ARHGAP19: variants seen among roughly 807,000 people sequenced by gnomAD.
ARHGAP19 encodes Rho GTPase activating protein 19.
Under a neutral mutation model 60.9 loss-of-function variants are expected in ARHGAP19, and 48 were observed. That is an observed-to-expected ratio of 0.79 (90% confidence interval 0.62 to 1.00). The LOEUF is 1.00. ARHGAP19 is among the 50% of genes least tolerant of loss of function. ARHGAP19 has a pLI of 0.00. For synonymous variants in ARHGAP19, 209 were observed against 215.5 expected, an observed-to-expected ratio of 0.97 and a Z score of 0.27; for missense variants, 562 against 597.2, an observed-to-expected ratio of 0.94 and a Z score of 0.61.
At chr10:97,242,300 T>C (rs1294505692) in intron 8 of ARHGAP19, among the ~76,000 whole-genome samples, 4 of 149,756 alleles carry the variant, frequency 2.7e-5, no homozygotes, top group Non-Finnish European at 1.5e-5. Flanking sequence ...GTTTTTTTCT[T>C]TTTTATCTTT....
intron 2 of ARHGAP19, 56 bp from the exon 3 acceptor site, chr10:97,264,962 T>C: frequency 7.4e-7 from 1 of 1,357,454 alleles, no homozygotes; most frequent in Non-Finnish European, 1.1e-6. Context: ...TACAAAATCA[T>C]CATACCTAAA....
intron 1 of ARHGAP19, among the ~76,000 whole-genome samples, chr10:97,291,529 G>C (rs1843232487): frequency 6.6e-6 from 1 of 152,106 alleles, no homozygotes; most frequent in Non-Finnish European, 1.5e-5. Flanking sequence ...CCTGATCTCA[G>C]GTGATCCGCT....
intron 8 of ARHGAP19, among the ~76,000 whole-genome samples, chr10:97,236,413 G>T (rs1055876573): frequency 6.6e-6 from 1 of 152,006 alleles, no homozygotes; most frequent in Non-Finnish European, 1.5e-5. Flanking sequence ...AATTGTCTCG[G>T]CAGGCAGAAA....
intron 1 of ARHGAP19, among the ~76,000 whole-genome samples, chr10:97,290,240 C>T (rs1456222264): frequency 6.6e-6 from 1 of 152,146 alleles, no homozygotes; most frequent in Admixed American, 6.5e-5. Context: ...TGCTGTTTGC[C>T]GCTGTCGCAG....
intron 11 of ARHGAP19, among the ~76,000 whole-genome samples, chr10:97,227,628 T>C (rs1305183454): frequency 6.6e-6 from 1 of 152,200 alleles, no homozygotes; most frequent in Non-Finnish European, 1.5e-5. Flanking sequence ...GAGAGTAAAG[T>C]GAAAATGCCA....
At chr10:97,268,832 CT>C (rs1842929741) in intron 1 of ARHGAP19, among the ~76,000 whole-genome samples, 2 of 152,268 alleles carry the variant, frequency 1.3e-5, no homozygotes, top group Non-Finnish European at 1.5e-5. Flanking sequence ...ATATCAACCC[CT>C]TTTTACTTCT....
At chr10:97,251,725 G>A (rs1272529619) in intron 6 of ARHGAP19, among the ~76,000 whole-genome samples, 1 of 786 alleles carries the variant, frequency 1.3e-3, no homozygotes, top group Admixed American at 0.014. Context: ...GGAAGGGAAG[G>A]GGAAGGAAAG....
At chr10:97,272,700 CTT>C (rs1441444369) in intron 1 of ARHGAP19, among the ~76,000 whole-genome samples, 4 of 152,040 alleles carry the variant, frequency 2.6e-5, no homozygotes, top group African/African-American at 9.7e-5. Context: ...ATAATATCCT[CTT>C]ATCTTTTTTA....
intron 6 of ARHGAP19, among the ~76,000 whole-genome samples, chr10:97,254,517 A>G (rs1199971867): frequency 3.3e-5 from 5 of 152,234 alleles, no homozygotes; most frequent in African/African-American, 1.2e-4. Flanking sequence ...ACCTAACACC[A>G]GAAACAAAAC....
intron 4 of ARHGAP19, 89 bp downstream of exon 4, chr10:97,263,331 C>A (rs1842855273): frequency 7.6e-7 from 1 of 1,322,190 alleles, no homozygotes; most frequent in African/African-American, 1.5e-5. Flanking sequence ...AGAAGTATTT[C>A]TGTGGGTCAC....
At chr10:97,239,501 C>CA (rs71007326) in intron 8 of ARHGAP19, among the ~76,000 whole-genome samples, 6 of 138,224 alleles carry the variant, frequency 4.3e-5, no homozygotes, top group African/African-American at 1.4e-4. Flanking sequence ...GACTCCGTCT[C>CA]AAAAAAAAAA....
intron 6 of ARHGAP19, among the ~76,000 whole-genome samples, chr10:97,253,923 C>T (rs910013661): frequency 4.6e-5 from 7 of 152,064 alleles, no homozygotes; most frequent in African/African-American, 1.7e-4. Context: ...CAGTTTCAGG[C>T]ATGTACTCAG....
chr10:97,291,203 C>A (rs954525795), intron 1 of ARHGAP19, among the ~76,000 whole-genome samples: 1 of 152,180 alleles, frequency 6.6e-6, no homozygotes, highest in African/African-American at 2.4e-5. Context: ...CACTTTGGGT[C>A]CCCTCCCTTT....
intron 9 of ARHGAP19, among the ~76,000 whole-genome samples, chr10:97,233,039 C>G (rs1440403657): frequency 6.6e-6 from 1 of 152,054 alleles, no homozygotes; most frequent in African/African-American, 2.4e-5. Flanking sequence ...ATCCCAGCTA[C>G]TAGGGAGGCT....
At chr10:97,244,675 C>T (rs1455171058) in intron 7 of ARHGAP19, among the ~76,000 whole-genome samples, 1 of 152,128 alleles carries the variant, frequency 6.6e-6, no homozygotes, top group Non-Finnish European at 1.5e-5. Context: ...AAAAACAGCT[C>T]TCTAACAAAA....
intron 1 of ARHGAP19, among the ~76,000 whole-genome samples, chr10:97,281,852 A>G (rs1222298101): frequency 6.6e-6 from 1 of 152,196 alleles, no homozygotes; most frequent in Admixed American, 6.6e-5. Context: ...AGACAGTGGG[A>G]GAAAAAAAGA....
rs1219441401 is a variant in ARHGAP19, at chr10:97,259,452, C to A, written c.790G>T (p.Ala264Ser). Residue 264 changes from alanine to serine, a missense_variant, in exon 5 of 12, where the codon GCC (alanine) becomes TCC (serine). Transcript: ENST00000358531. The part of the protein sequence containing the change: ...AKKQDKNKMS[A>S]YNLALMFAPH... ...GCAAACATAAGGGCAAGGTTATAGG[C>A]TGACATCTTGTTCTTGTCTTGTTTC... 5.6e-6 allele frequency: 9 copies of A among 1,614,038 alleles called. No homozygotes were observed. The Middle Eastern group carries it at 4.9e-4, about 88-fold the overall frequency.
chr10:97,255,813 G>C (rs1056907981), intron 6 of ARHGAP19, among the ~76,000 whole-genome samples: 2 of 152,146 alleles, frequency 1.3e-5, no homozygotes, highest in Non-Finnish European at 2.9e-5. Context: ...TTTCTCAGCA[G>C]GTGACCAAGG....
intron 1 of ARHGAP19, among the ~76,000 whole-genome samples, chr10:97,268,897 T>C (rs1391171529): frequency 6.6e-6 from 1 of 152,244 alleles, no homozygotes; most frequent in African/African-American, 2.4e-5. Context: ...AGCAGACACA[T>C]AGTTTGTATC....
Sources: gnomAD v4.1 joint callset for allele counts (sites outside exome capture counted in the v4.1 genomes callset) on GRCh38, gnomAD v4.1.1 for gene constraint, MANE v1.5 for transcripts, NCBI Gene and HGNC (gene_info 2026-07-23, HGNC 2026-07-21) for gene names.